PPFIA1: variants seen among roughly 807,000 people sequenced by gnomAD.
PPFIA1 encodes the protein liprin-alpha-1.
Under a neutral mutation model 149.9 loss-of-function variants are expected in PPFIA1, and 25 were observed. That is an observed-to-expected ratio of 0.17 (90% CI 0.12 to 0.23). The LOEUF (loss-of-function observed/expected upper bound fraction) is 0.23, where lower values mean the gene tolerates loss of function less well. Ranked by LOEUF, PPFIA1 falls within the 10% of genes least tolerant of loss-of-function variation. The pLI is 1.00. For missense variants in PPFIA1, 1,362 were observed against 1,506.5 expected, an observed-to-expected ratio of 0.90 and a Z score of 1.59; for synonymous variants, 549 against 552.8, an observed-to-expected ratio of 0.99 and a Z score of 0.10.
At position 70,355,710 on chromosome 11, in the gene PPFIA1, A is replaced by C; in HGVS notation, c.2387A>C (p.Lys796Thr). 1 of 1,614,150 alleles carries C rather than the reference A, an allele frequency of 6.2e-7. No individual in the cohort carries two copies. Among genetic ancestry groups the C allele is most frequent in the South Asian group, 1.1e-5 (1 of 91,086 alleles). The stretch of plus-strand genomic sequence containing the variant: ...AACAGTAGCCAGGACTCGCTCCACA[A>C]AGCCCCAAAGAAGAAAGGCATTAAG... ...SSNSSQDSLH[K>T]APKKKGIKSS... Residue 796 changes from lysine to threonine, a missense_variant, in exon 18 of 28, where the codon AAA (lysine) becomes ACA (threonine). Physicochemically the swap from Lys to Thr is moderately conservative, Grantham distance 78. Coordinates refer to ENST00000253925, the MANE Select transcript of PPFIA1 (RefSeq NM_003626.5).
At chr11:70,290,898 T>G (rs779222482) in intron 2 of PPFIA1, among the ~76,000 whole-genome samples, 1 of 152,130 alleles carries the variant, frequency 6.6e-6, no homozygotes, top group Non-Finnish European at 1.5e-5. Context: ...TGAAATCTCT[T>G]TTTTTTGAGA....
chr11:70,365,127 C>T, intron 21 of PPFIA1: 1 of 189,902 alleles, frequency 5.3e-6, no homozygotes, highest in Non-Finnish European at 1.1e-5. Context: ...CTTGATATTT[C>T]ACATACCTCG....
At chr11:70,287,199 A>G (rs1465453552) in intron 2 of PPFIA1, among the ~76,000 whole-genome samples, 1 of 151,920 alleles carries the variant, frequency 6.6e-6, no homozygotes, top group South Asian at 2.1e-4. Flanking sequence ...TTTGCTCAGA[A>G]CACTTGAGCT....
chr11:70,342,916 G>A (rs961163545), intron 14 of PPFIA1, among the ~76,000 whole-genome samples: 5 of 128,030 alleles, frequency 3.9e-5, no homozygotes, highest in African/African-American at 1.5e-4. Flanking sequence ...TTCCCTTGCA[G>A]CTATTTTGAA....
chr11:70,311,194 A>G (rs113799340), intron 2 of PPFIA1, among the ~76,000 whole-genome samples: 19 of 152,146 alleles, frequency 1.2e-4, no homozygotes, highest in African/African-American at 4.6e-4. Flanking sequence ...CTGTAATCCC[A>G]GGTACTCCGG....
intron 15 of PPFIA1, chr11:70,345,908 G>A: frequency 2.6e-6 from 1 of 381,276 alleles, no homozygotes; most frequent in Middle Eastern, 3.7e-4. Flanking sequence ...TCACACAGTG[G>A]CCTGGTACAG....
intron 2 of PPFIA1, among the ~76,000 whole-genome samples, chr11:70,292,415 T>A (rs1292035800): frequency 3.3e-5 from 5 of 152,204 alleles, no homozygotes; most frequent in Non-Finnish European, 5.9e-5. Flanking sequence ...AGCAGTAGGT[T>A]TGTGTGGAGC....
chr11:70,280,066 C>T (rs1018223975), intron 2 of PPFIA1, among the ~76,000 whole-genome samples: 3 of 151,904 alleles, frequency 2.0e-5, no homozygotes, highest in Non-Finnish European at 2.9e-5. Flanking sequence ...TGCCACCACA[C>T]CTGGCTAATT....
At chr11:70,315,383 T>C (rs1032965687) in intron 2 of PPFIA1, among the ~76,000 whole-genome samples, 3 of 152,200 alleles carry the variant, frequency 2.0e-5, no homozygotes, top group Non-Finnish European at 4.4e-5. Context: ...CACCCTGCCA[T>C]CTATCTATGG....
At chr11:70,321,598 A>T (rs779698399) in intron 2 of PPFIA1, among the ~76,000 whole-genome samples, 1 of 152,262 alleles carries the variant, frequency 6.6e-6, no homozygotes, top group Non-Finnish European at 1.5e-5. Context: ...AGGAAACAAG[A>T]GTAAGAAGAT....
At chr11:70,367,155 C>T (rs540285587) in intron 21 of PPFIA1, among the ~76,000 whole-genome samples, 5 of 152,278 alleles carry the variant, frequency 3.3e-5, no homozygotes, top group African/African-American at 7.2e-5. Context: ...TTGCTCTTTG[C>T]GGTGGAAATA....
At chr11:70,271,905 A>C in intron 1 of PPFIA1, 1 of 349,560 alleles carries the variant, frequency 2.9e-6, no homozygotes, top group South Asian at 4.3e-5. Context: ...AGACTACCCC[A>C]GGGCTTGCCC....
chr11:70,308,157 T>G (rs563944582), intron 2 of PPFIA1, among the ~76,000 whole-genome samples: 1 of 152,358 alleles, frequency 6.6e-6, no homozygotes, highest in South Asian at 2.1e-4. Flanking sequence ...CAAGCGATTC[T>G]CCTCTGTCAG....
chr11:70,339,501 TTTTAAAGAGGTAGGGTC>T (rs956728912), intron 14 of PPFIA1, among the ~76,000 whole-genome samples, 195 bp downstream of exon 14: 1 of 151,526 alleles, frequency 6.6e-6, no homozygotes, highest in African/African-American at 2.4e-5. Flanking sequence ...TTTGTTTTTG[TTTTAAAGAGGTAGGGTC>T]TGTGTTGCCC....
intron 27 of PPFIA1, among the ~76,000 whole-genome samples, chr11:70,382,513 GT>G (rs763088995): frequency 1.1e-4 from 16 of 152,070 alleles, no homozygotes; most frequent in South Asian, 4.1e-4. Context: ...TCCTGACGTC[GT>G]TATGCACATT....
intron 2 of PPFIA1, among the ~76,000 whole-genome samples, chr11:70,299,106 G>A (rs1278952970): frequency 6.6e-6 from 1 of 152,062 alleles, no homozygotes; most frequent in East Asian, 1.9e-4. Flanking sequence ...AAGCGTGGTG[G>A]TGCACACCTG....
chr11:70,311,413 T>C (rs775541068), intron 2 of PPFIA1, among the ~76,000 whole-genome samples: 1 of 152,170 alleles, frequency 6.6e-6, no homozygotes, highest in African/African-American at 2.4e-5. Context: ...TTCCACTTCA[T>C]GCGTCGGAAT....
At chr11:70,295,938 A>G (rs868354300) in intron 2 of PPFIA1, among the ~76,000 whole-genome samples, 8 of 148,472 alleles carry the variant, frequency 5.4e-5, no homozygotes, top group African/African-American at 7.5e-5. Flanking sequence ...GGCGGTTGCC[A>G]GGCGGAGGGT....
chr11:70,355,848 G>T (rs1469808264), intron 18 of PPFIA1, 37 bp downstream of exon 18: 1 of 1,577,374 alleles, frequency 6.3e-7, no homozygotes, highest in Admixed American at 1.9e-5. Context: ...AGCACCCAGG[G>T]GTCGGGGAGG....
Sources: allele counts gnomAD v4.1 joint callset (sites outside exome capture counted in the v4.1 genomes callset), GRCh38; gene constraint gnomAD v4.1.1; transcripts MANE v1.5; gene names NCBI Gene and HGNC (gene_info 2026-07-23, HGNC 2026-07-21).